The following EIF2AK4 variants were observed in gnomAD, a reference collection of about 807,000 sequenced individuals.
EIF2AK4 encodes the protein eIF-2-alpha kinase GCN2.
In EIF2AK4, 139 loss-of-function variants were observed where a neutral mutation model predicts 211.1. The observed-to-expected ratio is 0.66, with a 90% confidence interval of 0.57 to 0.76. The LOEUF is 0.76. Ranked by LOEUF, EIF2AK4 falls within the 30% of genes least tolerant of loss-of-function variation. The pLI, the probability that EIF2AK4 is intolerant of heterozygous loss-of-function variation, is 0.00. For missense variants in EIF2AK4, 1,664 were observed against 2,043.8 expected (o/e 0.81, Z 3.58); for synonymous variants, 710 against 751.3 (o/e 0.94, Z 0.90).
At chr15:40,029,538 C>A in intron 34 of EIF2AK4, 74 bp downstream of exon 34, 1 of 1,415,044 alleles carries the variant, frequency 7.1e-7, no homozygotes, top group Non-Finnish European at 9.7e-7. Context: ...CTGTAGCTAA[C>A]TGCTTGTGAC....
At chr15:39,943,568 G>T (rs1369526941) in intron 3 of EIF2AK4, 83 bp downstream of exon 3, 2 of 1,057,498 alleles carry the variant, frequency 1.9e-6, no homozygotes, top group African/African-American at 1.7e-5. Flanking sequence ...AGCATGTTTT[G>T]TGTTTTATTG....
intron 4 of EIF2AK4, among the ~76,000 whole-genome samples, chr15:39,949,705 G>A (rs982229403): frequency 7.9e-5 from 12 of 151,900 alleles, no homozygotes; most frequent in Non-Finnish European, 4.4e-5. Flanking sequence ...TTAAAAATAA[G>A]ACAGTTAATA....
chr15:39,976,499 G>A lies in EIF2AK4; in HGVS notation c.1904G>A (p.Gly635Asp). The part of the protein sequence containing the change: ...PASRQFRRIK[G>D]EVTLLSRLHH... ...AGCCGGCAGTTCCGCAGGATCAAGG[G>A]CGAAGTGACACTGCTGTCACGGCTG... The change falls in exon 12 of 39, where the codon GGC becomes GAC. Residue 635 changes from glycine to aspartate, a missense_variant. This residue lies in a region of EIF2AK4 where 37 missense variants were observed against 84.0 expected (regional missense o/e 0.44). Transcript: ENST00000263791. 1 of 1,612,442 alleles carries A rather than the reference G, an allele frequency of 6.2e-7. No homozygotes were observed.
At chr15:39,992,299 T>A (rs2034954774) in intron 17 of EIF2AK4, 70 bp downstream of exon 17, 1 of 1,345,904 alleles carries the variant, frequency 7.4e-7, no homozygotes, top group African/African-American at 1.5e-5. Flanking sequence ...TGAAACCTGT[T>A]TTTTACTTGT....
At position 40,001,128 on chromosome 15, in the gene EIF2AK4, C is replaced by T. The variant is rs749069734; in HGVS notation, c.3063C>T (p.Asn1021=). The T allele has an allele frequency of 1.4e-5, 22 of 1,614,166 alleles. No homozygotes were observed. The highest frequency in any genetic ancestry group is 1.7e-4 in the Middle Eastern group (1 of 6,058). Residue 1021 remains asparagine, a synonymous_variant, in exon 21 of 39, where the codon AAC becomes AAT. Coordinates refer to ENST00000263791, the MANE Select transcript of EIF2AK4 (RefSeq NM_001013703.4). ...AAGTGCTGCACCACACGCTGACCAA[C>T]GTGGATGGGAAGGCCTACCGCACCA... ...LHEVLHHTLT[N]VDGKAYRTMM... is the part of the protein sequence containing the mutation.
rs551084774 is a variant in EIF2AK4, at chr15:39,989,650, C to G, written c.2527-623C>G. Among the ~76,000 whole-genome samples the G allele has an allele frequency of 8.5e-4, 130 of 152,152 alleles. 1 individual carries two copies. In the South Asian group the frequency reaches 0.011, roughly 13 times the overall value. ...AGGGACTTCTTGCTCTTAGAGGGAC[C>G]CAGAATTTACCTTCATGTAATGGTA... On this transcript the variant is annotated intron_variant, in intron 15 of 38. Transcript: ENST00000263791.
intron 29 of EIF2AK4, 88 bp from the exon 30 acceptor site, chr15:40,019,005 C>CA: frequency 1.1e-6 from 1 of 942,674 alleles, no homozygotes; most frequent in East Asian, 2.7e-5. Context: ...GAGCTGCTGA[C>CA]AGAGTGCTCA....
intron 10 of EIF2AK4, 36 bp from the exon 11 acceptor site, chr15:39,973,556 T>A (rs767361735): frequency 6.4e-7 from 1 of 1,564,630 alleles, no homozygotes; most frequent in South Asian, 1.2e-5. Flanking sequence ...AAATTTCCAA[T>A]GCCTCATGTG....
At position 39,981,327 on chromosome 15, in the gene EIF2AK4, G is replaced by A. The variant is rs151051239; in HGVS notation, c.2319+3180G>A. 3.0e-3 allele frequency among the ~76,000 whole-genome samples: 459 copies of A among 151,934 alleles called. 23 individuals carry two copies. The East Asian group carries it at 0.076, about 25-fold the overall frequency. On this transcript the variant is annotated intron_variant, in intron 13 of 38. Transcript: ENST00000263791. Reference sequence around the variant, plus strand: ...AGAGGTTACAGTGAGCCCAGATCACGTCATTGCACTCCAGCCTGGGTGACA... The same window carrying A: ...AGAGGTTACAGTGAGCCCAGATCACATCATTGCACTCCAGCCTGGGTGACA...
chr15:40,011,534 G>C (rs2035235416), intron 27 of EIF2AK4, among the ~76,000 whole-genome samples, 188 bp downstream of exon 27: 1 of 152,198 alleles, frequency 6.6e-6, no homozygotes, highest in Non-Finnish European at 1.5e-5. Context: ...AACTAATGCT[G>C]TGATCAAAGA....
intron 23 of EIF2AK4, among the ~76,000 whole-genome samples, chr15:40,003,580 C>T (rs1320254607): frequency 6.6e-6 from 1 of 152,182 alleles, no homozygotes; most frequent in East Asian, 1.9e-4. Flanking sequence ...GTGCACCCCC[C>T]AGTGTTGAGT....
chr15:39,956,052 C>T (rs1047173242), intron 6 of EIF2AK4, among the ~76,000 whole-genome samples: 1 of 138,412 alleles, frequency 7.2e-6, no homozygotes, highest in African/African-American at 2.8e-5. Context: ...GTCACCCAGG[C>T]TGCAGTGCAA....
chr15:39,941,912 C>G (rs2034150493), intron 2 of EIF2AK4, among the ~76,000 whole-genome samples: 1 of 152,008 alleles, frequency 6.6e-6, no homozygotes, highest in African/African-American at 2.4e-5. Context: ...AATGTGTCCA[C>G]TTGATAAAAA....
intron 9 of EIF2AK4, among the ~76,000 whole-genome samples, chr15:39,971,089 G>A (rs1016793411): frequency 3.3e-5 from 5 of 152,174 alleles, no homozygotes; most frequent in Admixed American, 6.5e-5. Context: ...TACTTGGGCC[G>A]TTGTAATGAA....
At chr15:39,972,039 A>G (rs992188806) in intron 9 of EIF2AK4, among the ~76,000 whole-genome samples, 5 of 152,140 alleles carry the variant, frequency 3.3e-5, no homozygotes, top group Admixed American at 1.3e-4. Context: ...CAGTAAGTTA[A>G]TGGGTTCAAG....
chr15:40,003,603 T>C (rs2035122268), intron 23 of EIF2AK4, among the ~76,000 whole-genome samples: 1 of 152,134 alleles, frequency 6.6e-6, no homozygotes, highest in Non-Finnish European at 1.5e-5. Flanking sequence ...CCACAGCAGG[T>C]TAACCCCACC....
chr15:39,994,691 C>G (rs2034995808), intron 18 of EIF2AK4, among the ~76,000 whole-genome samples: 1 of 152,160 alleles, frequency 6.6e-6, no homozygotes, highest in Admixed American at 6.5e-5. Flanking sequence ...AGTGGAGATT[C>G]AAGCCTGGGT....
At chr15:39,980,175 T>C (rs1293884730) in intron 13 of EIF2AK4, among the ~76,000 whole-genome samples, 1 of 152,222 alleles carries the variant, frequency 6.6e-6, no homozygotes, top group African/African-American at 2.4e-5. Flanking sequence ...AGTTGACATT[T>C]CATTTTTAAG....
rs754092670 is a variant in EIF2AK4 at position 39,961,893 on chromosome 15, T to C, written c.853T>C (p.Cys285Arg). 1.9e-6 allele frequency: 3 copies of C among 1,609,578 alleles called. No individual in the cohort carries two copies. The highest frequency in any genetic ancestry group is 1.7e-5 in the Admixed American group (1 of 58,960). Reference sequence around the variant, plus strand: ...TCAGCTCATGGTGCACAAAGGGAAATGTATTGGTGAGTAAACTAGCAAAAT... The same window carrying C: ...TCAGCTCATGGTGCACAAAGGGAAACGTATTGGTGAGTAAACTAGCAAAAT... ...PDQLMVHKGK[C>R]IGSDEQLGKL... Residue 285 changes from cysteine to arginine, a missense_variant, in exon 7 of 39, where the codon TGT (cysteine) becomes CGT (arginine). Coordinates refer to ENST00000263791, the MANE Select transcript of EIF2AK4 (RefSeq NM_001013703.4).
Sources: allele counts gnomAD v4.1 joint callset (sites outside exome capture counted in the v4.1 genomes callset), GRCh38; gene constraint gnomAD v4.1.1; regional missense constraint gnomAD v4.1.1; transcripts MANE v1.5; gene names NCBI Gene and HGNC (gene_info 2026-07-23, HGNC 2026-07-21).